Variants in CSMD1 observed in about 807,000 individuals in gnomAD.
The protein encoded by CSMD1 is CUB and Sushi multiple domains 1.
A neutral mutation model predicts 417.5 loss-of-function variants in CSMD1; 213 were observed. The observed-to-expected ratio is 0.51, with a 90% CI of 0.46 to 0.57. The LOEUF is 0.57. CSMD1 is among the 20% of genes least tolerant of loss of function. The pLI, the probability that CSMD1 is intolerant of heterozygous loss-of-function variation, is 0.00. For synonymous variants in CSMD1, 2,862 were observed against 1,736.8 expected (o/e 1.65, Z -16.11); for missense variants, 6,923 against 4,529.7 (o/e 1.53, Z -15.17).
chr8:3,884,465 C>A (rs1431203903), intron 5 of CSMD1, among the ~76,000 whole-genome samples: 1 of 152,162 alleles, frequency 6.6e-6, no homozygotes, highest in South Asian at 2.1e-4. Context: ...AACTGCCAGC[C>A]TGAGCAGGGC....
chr8:3,803,972 G>A (rs540591302), intron 5 of CSMD1, among the ~76,000 whole-genome samples: 1 of 152,074 alleles, frequency 6.6e-6, no homozygotes, highest in African/African-American at 2.4e-5. Context: ...CTGTCGCCCA[G>A]GCTGGAGTGC....
chr8:3,786,343 G>C (rs1314320015), intron 5 of CSMD1, among the ~76,000 whole-genome samples: 2 of 152,118 alleles, frequency 1.3e-5, no homozygotes, highest in African/African-American at 2.4e-5. Flanking sequence ...GGGTCACTGA[G>C]ACCACGGGCT....
chr8:3,400,572 C>G (rs570705753), intron 15 of CSMD1, among the ~76,000 whole-genome samples: 22 of 151,982 alleles, frequency 1.4e-4, no homozygotes, highest in Admixed American at 2.6e-4. Flanking sequence ...ATGGAAACTG[C>G]ATGACCATAT....
At chr8:4,549,581 A>G (rs1396824559) in intron 2 of CSMD1, among the ~76,000 whole-genome samples, 1 of 151,960 alleles carries the variant, frequency 6.6e-6, no homozygotes, top group Non-Finnish European at 1.5e-5. Flanking sequence ...TGATGCTGGC[A>G]CTCTTGGATC....
intron 3 of CSMD1, among the ~76,000 whole-genome samples, chr8:4,149,889 C>T (rs139481137): frequency 6.0e-4 from 91 of 152,308 alleles, no homozygotes; most frequent in Middle Eastern, 3.4e-3. Context: ...CCCAGGTCCA[C>T]TCTAATGTTC....
intron 6 of CSMD1, among the ~76,000 whole-genome samples, chr8:3,711,561 C>T (rs77050102): frequency 0.02 from 3,085 of 152,276 alleles, 89 homozygotes; most frequent in African/African-American, 0.07. Context: ...TCCTCCTCTT[C>T]TCTTCTGCCT....
chr8:2,968,981 T>C (rs1419814031), intron 57 of CSMD1, among the ~76,000 whole-genome samples: 2 of 152,132 alleles, frequency 1.3e-5, no homozygotes, highest in African/African-American at 4.8e-5. Flanking sequence ...TTTACAAATA[T>C]TAGTACTGTT....
intron 3 of CSMD1, among the ~76,000 whole-genome samples, chr8:4,114,678 C>T (rs1304701680): frequency 6.6e-6 from 1 of 152,136 alleles, no homozygotes; most frequent in East Asian, 1.9e-4. Context: ...AAAAATTGTG[C>T]TTCATGGGAG....
chr8:4,336,322 G>A (rs1038250014), intron 3 of CSMD1, among the ~76,000 whole-genome samples: 1 of 152,092 alleles, frequency 6.6e-6, no homozygotes, highest in African/African-American at 2.4e-5. Context: ...CTGTAGAAAG[G>A]CACATTTTTA....
chr8:3,029,350 C>A lies in CSMD1; in HGVS notation c.7824G>T (p.Trp2608Cys). ...RLLRCQANGT[W>C]NIGDERPSCR... ...AGCTTGGCCTCTCATCTCCTATGTTCCACGTCCCATTGGCCTGGCACCGCA... is the reference window on the plus strand; with the variant it reads ...AGCTTGGCCTCTCATCTCCTATGTTACACGTCCCATTGGCCTGGCACCGCA... The change falls in exon 51 of 70, where the codon TGG (tryptophan) becomes TGT (cysteine). Residue 2608 changes from tryptophan to cysteine, a missense_variant. Trp to Cys is a radical substitution (Grantham distance 215). Transcript: ENST00000635120. 1 of 1,610,620 alleles carries A rather than the reference C, an allele frequency of 6.2e-7. No homozygotes were observed. The highest frequency in any genetic ancestry group is 8.5e-7 in the Non-Finnish European group (1 of 1,179,302).
intron 1 of CSMD1, among the ~76,000 whole-genome samples, chr8:4,733,723 A>G (rs1320124404): frequency 6.6e-6 from 1 of 152,236 alleles, no homozygotes; most frequent in Non-Finnish European, 1.5e-5. Flanking sequence ...ACAAAGAAGT[A>G]TGTAGGAACC....
At chr8:4,741,700 T>C (rs1010112613) in intron 1 of CSMD1, among the ~76,000 whole-genome samples, 2 of 152,162 alleles carry the variant, frequency 1.3e-5, no homozygotes, top group East Asian at 1.9e-4. Context: ...TTGTCTTCAC[T>C]ACTCCAGGTT....
chr8:4,902,149 C>G (rs1384706685), intron 1 of CSMD1, among the ~76,000 whole-genome samples: 1 of 152,028 alleles, frequency 6.6e-6, no homozygotes, highest in African/African-American at 2.4e-5. Context: ...AAGAAAAATG[C>G]CTGTCAACCC....
chr8:3,250,542 A>G (rs1670677921), intron 26 of CSMD1, among the ~76,000 whole-genome samples: 1 of 152,206 alleles, frequency 6.6e-6, no homozygotes, highest in South Asian at 2.1e-4. Flanking sequence ...TCTTTATAGC[A>G]GCATGATTTA....
intron 3 of CSMD1, among the ~76,000 whole-genome samples, chr8:4,339,542 A>G (rs917405633): frequency 1.3e-5 from 2 of 152,120 alleles, no homozygotes; most frequent in African/African-American, 4.8e-5. Flanking sequence ...ATTTCTAAAG[A>G]CTACTGAATC....
At chr8:4,754,771 C>A (rs1811563727) in intron 1 of CSMD1, among the ~76,000 whole-genome samples, 2 of 152,014 alleles carry the variant, frequency 1.3e-5, no homozygotes, top group South Asian at 4.1e-4. Context: ...TTCGTTTGAA[C>A]CCAGGAAGCA....
At chr8:4,396,640 CAT>C (rs1314644358) in intron 3 of CSMD1, among the ~76,000 whole-genome samples, 1 of 150,818 alleles carries the variant, frequency 6.6e-6, no homozygotes, top group African/African-American at 2.5e-5. Flanking sequence ...CACACACACA[CAT>C]AAATATCTAT....
At chr8:4,471,373 A>G (rs1357041578) in intron 2 of CSMD1, among the ~76,000 whole-genome samples, 1 of 152,156 alleles carries the variant, frequency 6.6e-6, no homozygotes, top group Admixed American at 6.5e-5. Flanking sequence ...GGGTTAGACT[A>G]TTTCTAATTT....
chr8:3,988,074 G>T (rs1267412148), intron 5 of CSMD1, among the ~76,000 whole-genome samples: 1 of 152,194 alleles, frequency 6.6e-6, no homozygotes, highest in Non-Finnish European at 1.5e-5. Context: ...AAAACATAGG[G>T]AAGCTGTTGA....
Sources: gnomAD v4.1 joint callset for allele counts (sites outside exome capture counted in the v4.1 genomes callset) on GRCh38, gnomAD v4.1.1 for gene constraint, MANE v1.5 for transcripts, NCBI Gene and HGNC (gene_info 2026-07-23, HGNC 2026-07-21) for gene names.